The following R3HDM1 variants were observed in gnomAD, a reference collection of about 807,000 sequenced individuals.
R3HDM1 encodes the protein R3H domain containing 1, also known as R3H domain-containing protein 1.
A neutral mutation model predicts 141.1 loss-of-function variants in R3HDM1; 46 were observed. The observed-to-expected ratio is 0.33, with a 90% confidence interval of 0.26 to 0.42. The LOEUF (loss-of-function observed/expected upper bound fraction) is 0.42. Among genes scored for constraint, R3HDM1 ranks in the 10% least tolerant of loss-of-function variants. R3HDM1 has a pLI of 1.00. For synonymous variants in R3HDM1, 435 were observed against 472.9 expected (o/e 0.92, Z 1.04); for missense variants, 1,184 against 1,368.3 (o/e 0.87, Z 2.12).
intron 1 of R3HDM1, among the ~76,000 whole-genome samples, chr2:135,582,374 T>C (rs1163124300): frequency 6.6e-6 from 1 of 152,200 alleles, no homozygotes; most frequent in East Asian, 1.9e-4. Context: ...GTTTTAATTT[T>C]AATGAAAATT....
At position 135,721,642 on chromosome 2, in the gene R3HDM1, T is replaced by C. The variant is rs1453661506; in HGVS notation, c.2882-282T>C. On this transcript the variant is annotated intron_variant, in intron 24 of 26. Transcript: ENST00000683871. Reference sequence around the variant, plus strand: ...TCACTCCGTCACCCAGTCTGGAATATAGTGGCGCCATCTCAGCTCACTGCA... The same window carrying C: ...TCACTCCGTCACCCAGTCTGGAATACAGTGGCGCCATCTCAGCTCACTGCA... The C allele has an allele frequency of 2.2e-5, 6 of 278,212 alleles. No individual in the cohort carries two copies. The Admixed American group carries it at 2.5e-4, about 12-fold the overall frequency. The allele number at this position is 278,212 out of a possible 1,614,324, so 17.2% of individuals were successfully genotyped here.
At chr2:135,679,704 T>C (rs1479186089) in intron 20 of R3HDM1, among the ~76,000 whole-genome samples, 6 of 152,220 alleles carry the variant, frequency 3.9e-5, no homozygotes, top group Non-Finnish European at 5.9e-5. Context: ...ATAGCTGACA[T>C]AGAAATAAAG....
chr2:135,575,078 C>A (rs1190912011), intron 1 of R3HDM1, among the ~76,000 whole-genome samples: 1 of 152,134 alleles, frequency 6.6e-6, no homozygotes. Flanking sequence ...CTCCAAAATT[C>A]AAAACTTTTT....
intron 21 of R3HDM1, among the ~76,000 whole-genome samples, chr2:135,696,119 G>A (rs2073198115): frequency 6.6e-6 from 1 of 151,966 alleles, no homozygotes; most frequent in Non-Finnish European, 1.5e-5. Flanking sequence ...TACAATCCAT[G>A]GTATATTCAT....
chr2:135,692,903 AT>A (rs2072666922), intron 21 of R3HDM1, among the ~76,000 whole-genome samples: 1 of 152,212 alleles, frequency 6.6e-6, no homozygotes, highest in Admixed American at 6.5e-5. Context: ...AGATATCTTA[AT>A]GGGTAATGCC....
rs143884204 is a variant in R3HDM1, at chr2:135,705,208, T to TC, written c.2460-4224dup. Among the ~76,000 whole-genome samples the TC allele has an allele frequency of 4.0e-3, 604 of 152,380 alleles. 7 individuals are homozygous for TC. Among genetic ancestry groups the TC allele is most frequent in the South Asian group, 0.033 (158 of 4,830 alleles). ...TTACACTTTGAATTATTTGGCCAAA[T>TC]CTTTCATCATAGTTTGGTAAGGCAA... On this transcript the variant is annotated intron_variant, in intron 21 of 26. Coordinates refer to ENST00000683871, the MANE Select transcript of R3HDM1 (RefSeq NM_001378107.1).
At chr2:135,645,230 A>G in intron 15 of R3HDM1, 149 bp from the exon 16 acceptor site, 1 of 656,974 alleles carries the variant, frequency 1.5e-6, no homozygotes. Flanking sequence ...GGCATTTCCC[A>G]ACCTAAGGAA....
At chr2:135,575,989 A>G (rs1705335808) in intron 1 of R3HDM1, among the ~76,000 whole-genome samples, 1 of 152,244 alleles carries the variant, frequency 6.6e-6, no homozygotes, top group Non-Finnish European at 1.5e-5. Context: ...ACATTAAAAC[A>G]TATACTATAA....
Position 135,616,758 on chromosome 2 carries a change from G to A in R3HDM1, c.303+1G>A, listed in dbSNP as rs771969013. The A allele has an allele frequency of 6.3e-7, 1 of 1,587,160 alleles. No homozygotes were observed. The highest frequency in any genetic ancestry group is 8.6e-7 in the Non-Finnish European group (1 of 1,159,104). On this transcript the variant is annotated splice_donor_variant, in intron 5 of 26. Transcript: ENST00000683871. LOFTEE classifies it high-confidence loss of function. ...ACCAGAGATATCACAGGAGAACCAG[G>A]TAAAAAAGCAAAACAAATGTTATTT...
chr2:135,583,331 A>C (rs1388764392), intron 1 of R3HDM1, among the ~76,000 whole-genome samples: 1 of 152,174 alleles, frequency 6.6e-6, no homozygotes, highest in Non-Finnish European at 1.5e-5. Context: ...ATTCAGATTA[A>C]ATATTTTTGG....
At chr2:135,620,732 A>C (rs1242028947) in intron 5 of R3HDM1, 9 of 873,218 alleles carry the variant, frequency 1.0e-5, no homozygotes, top group Non-Finnish European at 1.1e-5. Flanking sequence ...AAGTAAACAG[A>C]GCTACATGAT....
At chr2:135,606,975 TG>T (rs1236787620) in intron 3 of R3HDM1, among the ~76,000 whole-genome samples, 1 of 6,932 alleles carries the variant, frequency 1.4e-4, no homozygotes, top group African/African-American at 5.8e-4. Flanking sequence ...TTTTTTTGGG[TG>T]GGGGGGCGGG....
At chr2:135,623,021 A>G in intron 7 of R3HDM1, 1 of 981,510 alleles carries the variant, frequency 1.0e-6, no homozygotes, top group Non-Finnish European at 1.2e-6. Flanking sequence ...ATCATGAGAA[A>G]AAAGAAAAAT....
intron 1 of R3HDM1, among the ~76,000 whole-genome samples, chr2:135,568,167 C>T (rs147816190): frequency 0.01 from 1,586 of 152,030 alleles, 26 homozygotes; most frequent in Middle Eastern, 0.055. Context: ...GGTGATTCTC[C>T]CACCTCAGCC....
chr2:135,648,646 T>C (rs1025893166), intron 16 of R3HDM1, among the ~76,000 whole-genome samples: 3 of 152,132 alleles, frequency 2.0e-5, no homozygotes, highest in Admixed American at 2.0e-4. Context: ...TGGGTTGCTA[T>C]AGTCTTTAAG....
intron 1 of R3HDM1, chr2:135,533,806 GA>G (rs1559070747): frequency 5.8e-6 from 1 of 172,936 alleles, no homozygotes; most frequent in African/African-American, 2.4e-5. Flanking sequence ...TTGAACCTGG[GA>G]GGCAGCGGTG....
Position 135,563,939 on chromosome 2 carries a change from G to A in R3HDM1, c.-250+32306G>A, listed in dbSNP as rs1396387720. Among the ~76,000 whole-genome samples the A allele has an allele frequency of 2.6e-5, 4 of 152,154 alleles. No homozygotes were observed. In the East Asian group the frequency reaches 7.7e-4, roughly 29 times the overall value. ...GCTTACAATCATAGGGAGGGTAAAG[G>A]GAAAGCAGGCACATCACATGGTGAG... On this transcript the variant is annotated intron_variant, in intron 1 of 26. Transcript: ENST00000683871.
At chr2:135,531,787 G>A (rs1241488631) in intron 1 of R3HDM1, 154 bp downstream of exon 1, 4 of 985,262 alleles carry the variant, frequency 4.1e-6, no homozygotes, top group Non-Finnish European at 3.6e-6. Context: ...CCGGGTCGTC[G>A]GCGCTTCAGC....
chr2:135,664,855 TAA>T (rs1356703535), intron 19 of R3HDM1, among the ~76,000 whole-genome samples: 4 of 152,162 alleles, frequency 2.6e-5, no homozygotes, highest in African/African-American at 9.7e-5. Context: ...AACAACAAAA[TAA>T]AAGTCAGAAT....
Sources: gnomAD v4.1 joint callset for allele counts (sites outside exome capture counted in the v4.1 genomes callset) on GRCh38, gnomAD v4.1.1 for gene constraint, MANE v1.5 for transcripts, NCBI Gene and HGNC (gene_info 2026-07-23, HGNC 2026-07-21) for gene names.